SOX5: variants seen among roughly 807,000 people sequenced by gnomAD.
The protein encoded by SOX5 is SRY-box transcription factor 5, also known as transcription factor SOX-5.
In SOX5, 9 loss-of-function variants were observed where a neutral mutation model predicts 92.0. The observed-to-expected ratio is 0.10, with a 90% CI of 0.06 to 0.17. SOX5 has a LOEUF of 0.17. Among genes scored for constraint, SOX5 ranks in the 10% least tolerant of loss-of-function variants. SOX5 has a pLI of 1.00. For missense variants in SOX5, 642 were observed against 944.5 expected (o/e 0.68, Z 4.20); for synonymous variants, 344 against 336.3 (o/e 1.02, Z -0.25).
chr12:23,738,930 T>C (rs2093700627), intron 5 of SOX5, among the ~76,000 whole-genome samples: 1 of 152,120 alleles, frequency 6.6e-6, no homozygotes, highest in African/African-American at 2.4e-5. Context: ...AAAAGCCAAA[T>C]ATATCTTTAA....
intron 2 of SOX5, among the ~76,000 whole-genome samples, chr12:24,344,267 G>A (rs1477892033): frequency 8.1e-6 from 1 of 123,356 alleles, no homozygotes; most frequent in Non-Finnish European, 1.6e-5. Context: ...TGGCGACAGA[G>A]CAAGACTCTG....
chr12:23,960,201 C>A (rs1030467990), intron 4 of SOX5, among the ~76,000 whole-genome samples: 1 of 152,010 alleles, frequency 6.6e-6, no homozygotes, highest in Non-Finnish European at 1.5e-5. Context: ...CCAGAGCCCA[C>A]ATATGTTTAC....
intron 4 of SOX5, among the ~76,000 whole-genome samples, chr12:24,100,241 C>T (rs527287604): frequency 6.6e-6 from 1 of 152,206 alleles, no homozygotes; most frequent in Non-Finnish European, 1.5e-5. Flanking sequence ...TTTTAGGCTC[C>T]TTATTCACAG....
intron 1 of SOX5, among the ~76,000 whole-genome samples, chr12:24,445,129 G>A (rs1013239621): frequency 6.6e-6 from 1 of 152,130 alleles, no homozygotes; most frequent in Non-Finnish European, 1.5e-5. Flanking sequence ...GTACTTACAA[G>A]TAAGTTAGTT....
At chr12:24,292,457 G>A (rs1042661970) in intron 2 of SOX5, among the ~76,000 whole-genome samples, 1 of 152,136 alleles carries the variant, frequency 6.6e-6, no homozygotes, top group African/African-American at 2.4e-5. Context: ...CCAATGGAAG[G>A]ATCATAGATA....
intron 9 of SOX5, among the ~76,000 whole-genome samples, chr12:23,602,752 G>A (rs974910898): frequency 6.6e-6 from 1 of 152,020 alleles, no homozygotes; most frequent in Non-Finnish European, 1.5e-5. Context: ...TTTATCCAAA[G>A]TACATTTTTC....
intron 4 of SOX5, among the ~76,000 whole-genome samples, chr12:24,139,431 A>C (rs1002577175): frequency 6.6e-6 from 1 of 152,220 alleles, no homozygotes. Flanking sequence ...AAATGGAAAA[A>C]GGAAAAAAAC....
At chr12:24,541,347 T>C (rs1952108147) in intron 1 of SOX5, among the ~76,000 whole-genome samples, 1 of 152,218 alleles carries the variant, frequency 6.6e-6, no homozygotes. Context: ...ATTTGTATTT[T>C]ACAATAGAAA....
intron 1 of SOX5, among the ~76,000 whole-genome samples, chr12:23,915,997 C>T (rs1236871586): frequency 1.3e-5 from 2 of 152,106 alleles, no homozygotes; most frequent in Non-Finnish European, 2.9e-5. Flanking sequence ...TAGATTGATA[C>T]AGTGCATTTT....
At chr12:23,873,207 G>C (rs2096892956) in intron 2 of SOX5, among the ~76,000 whole-genome samples, 1 of 152,290 alleles carries the variant, frequency 6.6e-6, no homozygotes. Flanking sequence ...AGAAATGACT[G>C]TAGGCTGGGC....
chr12:23,882,117 C>A (rs2096999064), intron 2 of SOX5, among the ~76,000 whole-genome samples: 1 of 152,098 alleles, frequency 6.6e-6, no homozygotes, highest in Admixed American at 6.5e-5. Flanking sequence ...TGAGACGCAA[C>A]ATGTCAGATT....
intron 11 of SOX5, among the ~76,000 whole-genome samples, chr12:23,551,860 T>G (rs1180845407): frequency 6.6e-6 from 1 of 151,862 alleles, no homozygotes; most frequent in Non-Finnish European, 1.5e-5. Flanking sequence ...TTTCCTTTTG[T>G]AAAATTTGGT....
intron 2 of SOX5, among the ~76,000 whole-genome samples, chr12:23,870,870 T>TC (rs2096865248): frequency 6.6e-6 from 1 of 152,140 alleles, no homozygotes; most frequent in African/African-American, 2.4e-5. Context: ...TGTAGTTTTT[T>TC]TTCTTCTTCT....
chr12:23,789,550 G>A (rs1339870680), intron 3 of SOX5, among the ~76,000 whole-genome samples: 3 of 151,908 alleles, frequency 2.0e-5, no homozygotes, highest in Admixed American at 6.6e-5. Flanking sequence ...AAGGTCTCAC[G>A]GAAAATATTA....
At chr12:23,626,432 T>C (rs776849895) in intron 8 of SOX5, among the ~76,000 whole-genome samples, 1 of 152,138 alleles carries the variant, frequency 6.6e-6, no homozygotes, top group South Asian at 2.1e-4. Flanking sequence ...TCCATGGAGA[T>C]GGAATGAGAA....
rs143238421 is a variant in SOX5, at chr12:24,100,380, A to AAAT, written c.-2+112960_-2+112962dup. Among the ~76,000 whole-genome samples, 850 of 152,278 alleles carry AAAT rather than the reference A, an allele frequency of 5.6e-3. 3 individuals are homozygous for AAAT. Among genetic ancestry groups the AAAT allele is most frequent in the South Asian group, 0.02 (95 of 4,828 alleles). ...TTGAAATTATTCTTTTCAAAGTTAA[A>AAAT]AATGACTACATTTCACCAAAGTCAG... is the stretch of plus-strand genomic sequence containing the variant. On this transcript the variant is annotated intron_variant, in intron 4 of 4. Coordinates refer to the SOX5 transcript ENST00000446891.
upstream of SOX5, chr12:23,950,900 C>T: frequency 1.3e-6 from 2 of 1,534,730 alleles, no homozygotes; most frequent in Non-Finnish European, 8.7e-7. Context: ...GTGGCTGCCC[C>T]GTGCACCGCA....
intron 2 of SOX5, among the ~76,000 whole-genome samples, chr12:23,863,954 T>C (rs935672647): frequency 6.6e-6 from 1 of 151,656 alleles, no homozygotes; most frequent in African/African-American, 2.4e-5. Flanking sequence ...TATGGCACTC[T>C]GCTTTACTGT....
chr12:23,586,717 C>G (rs530283756), intron 9 of SOX5, among the ~76,000 whole-genome samples: 24 of 151,290 alleles, frequency 1.6e-4, no homozygotes, highest in African/African-American at 5.6e-4. Flanking sequence ...AAGATTAAGT[C>G]TCAAAAATTT....
Sources: gnomAD v4.1 joint callset for allele counts (sites outside exome capture counted in the v4.1 genomes callset) on GRCh38, gnomAD v4.1.1 for gene constraint, MANE v1.5 for transcripts, NCBI Gene and HGNC (gene_info 2026-07-23, HGNC 2026-07-21) for gene names.